ROBO1: variants seen among roughly 807,000 people sequenced by gnomAD.
The protein encoded by ROBO1 is roundabout homolog 1.
Under a neutral mutation model 195.9 loss-of-function variants are expected in ROBO1, and 149 were observed. The observed-to-expected ratio is 0.76, with a 90% CI of 0.67 to 0.87. The LOEUF (loss-of-function observed/expected upper bound fraction) is 0.87, where lower values mean the gene tolerates loss of function less well. ROBO1 is among the 40% of genes least tolerant of loss of function. The pLI is 0.00. For synonymous variants in ROBO1, 816 were observed against 733.2 expected (o/e 1.11, Z -1.82); for missense variants, 1,933 against 2,068.3 (o/e 0.93, Z 1.27).
At chr3:78,756,974 C>A (rs1166201485) in intron 4 of ROBO1, among the ~76,000 whole-genome samples, 2 of 152,144 alleles carry the variant, frequency 1.3e-5, no homozygotes, top group South Asian at 4.1e-4. Flanking sequence ...TCACTGCAAC[C>A]TCCGCCTTCT....
At chr3:78,913,569 C>T (rs1377430186) in intron 4 of ROBO1, among the ~76,000 whole-genome samples, 1 of 152,062 alleles carries the variant, frequency 6.6e-6, no homozygotes, top group Non-Finnish European at 1.5e-5. Flanking sequence ...AATATAATCT[C>T]TCCTTTGTAA....
intron 16 of ROBO1, 108 bp from the exon 17 acceptor site, chr3:78,659,915 A>G: frequency 1.6e-6 from 1 of 615,858 alleles, no homozygotes; most frequent in Non-Finnish European, 2.3e-6. Context: ...ATATCAATAT[A>G]TGCTTTTTTT....
At chr3:79,638,662 T>C (rs978662621) in intron 1 of ROBO1, among the ~76,000 whole-genome samples, 17 of 152,076 alleles carry the variant, frequency 1.1e-4, no homozygotes, top group Admixed American at 1.0e-3. Flanking sequence ...CAAGGAAGAG[T>C]AAAAGAAGAG....
At chr3:79,547,727 C>T (rs1416442770) in intron 2 of ROBO1, among the ~76,000 whole-genome samples, 1 of 152,102 alleles carries the variant, frequency 6.6e-6, no homozygotes, top group Non-Finnish European at 1.5e-5. Context: ...ACCTTATAAA[C>T]ATTAACATTT....
chr3:79,458,714 A>T (rs958243487), intron 2 of ROBO1, among the ~76,000 whole-genome samples: 1 of 152,172 alleles, frequency 6.6e-6, no homozygotes, highest in Non-Finnish European at 1.5e-5. Flanking sequence ...ATAGGAAAAA[A>T]AAAACTGGTG....
intron 1 of ROBO1, among the ~76,000 whole-genome samples, chr3:79,679,540 A>C (rs1353720168): frequency 1.3e-5 from 2 of 152,010 alleles, no homozygotes; most frequent in East Asian, 1.9e-4. Flanking sequence ...ATAAAAACTA[A>C]ATTTTTTAAA....
intron 4 of ROBO1, among the ~76,000 whole-genome samples, chr3:78,877,723 G>C (rs1032976491): frequency 6.6e-6 from 1 of 152,108 alleles, no homozygotes; most frequent in Admixed American, 6.6e-5. Context: ...TACAAGGTAA[G>C]CCTTCCTGCT....
intron 4 of ROBO1, among the ~76,000 whole-genome samples, chr3:78,854,144 A>T (rs975437403): frequency 4.0e-5 from 6 of 151,836 alleles, no homozygotes; most frequent in Non-Finnish European, 5.9e-5. Context: ...CTCTTCCCTG[A>T]GTCCTTAATC....
intron 4 of ROBO1, among the ~76,000 whole-genome samples, chr3:78,805,385 G>A (rs965243103): frequency 2.6e-5 from 4 of 151,808 alleles, no homozygotes; most frequent in Non-Finnish European, 5.9e-5. Flanking sequence ...AAAAAATGTA[G>A]AATTATAAAT....
chr3:79,210,754 A>G (rs1489432449), intron 2 of ROBO1, among the ~76,000 whole-genome samples: 2 of 152,154 alleles, frequency 1.3e-5, no homozygotes, highest in South Asian at 2.1e-4. Context: ...ACTGTTATCA[A>G]TGTCTTATTA....
chr3:79,694,354 T>C (rs1947381153), intron 1 of ROBO1, among the ~76,000 whole-genome samples: 1 of 151,862 alleles, frequency 6.6e-6, no homozygotes, highest in Non-Finnish European at 1.5e-5. Flanking sequence ...TGTTTTATAA[T>C]GTCTTGAGAA....
intron 4 of ROBO1, among the ~76,000 whole-genome samples, chr3:78,848,886 T>C (rs1576284758): frequency 6.6e-6 from 1 of 152,100 alleles, no homozygotes; most frequent in Non-Finnish European, 1.5e-5. Flanking sequence ...AGGAGCTAAC[T>C]TAAGTGGTTA....
At chr3:79,378,881 C>T (rs971424264) in intron 2 of ROBO1, among the ~76,000 whole-genome samples, 1 of 152,226 alleles carries the variant, frequency 6.6e-6, no homozygotes, top group Non-Finnish European at 1.5e-5. Flanking sequence ...AGCTCCGCCT[C>T]TTCCTGTGTA....
At chr3:78,718,596 G>A (rs188670546) in intron 5 of ROBO1, among the ~76,000 whole-genome samples, 17 of 151,898 alleles carry the variant, frequency 1.1e-4, no homozygotes, top group African/African-American at 3.9e-4. Flanking sequence ...ATAAGAAGTC[G>A]ACTGAAACTA....
At chr3:79,186,252 T>C (rs1362808219) in intron 2 of ROBO1, among the ~76,000 whole-genome samples, 1 of 151,214 alleles carries the variant, frequency 6.6e-6, no homozygotes, top group Non-Finnish European at 1.5e-5. Flanking sequence ...TGTTCAACTG[T>C]CCTTCTTTAA....
At chr3:79,621,912 G>A (rs889415729) in intron 1 of ROBO1, among the ~76,000 whole-genome samples, 1 of 152,120 alleles carries the variant, frequency 6.6e-6, no homozygotes, top group Non-Finnish European at 1.5e-5. Flanking sequence ...TGGGGAGCGG[G>A]CCAAGATGGC....
At chr3:78,675,608 C>G (rs1243060861) in intron 10 of ROBO1, among the ~76,000 whole-genome samples, 1 of 152,146 alleles carries the variant, frequency 6.6e-6, no homozygotes, top group Non-Finnish European at 1.5e-5. Context: ...GGCAGCGAGG[C>G]TGGGGGAGGG....
chr3:79,360,917 G>A (rs1487952448), intron 2 of ROBO1, among the ~76,000 whole-genome samples: 1 of 152,018 alleles, frequency 6.6e-6, no homozygotes, highest in Non-Finnish European at 1.5e-5. Context: ...AACACTGCAG[G>A]TGGCCATGCT....
At chr3:78,757,022 G>T (rs1290613433) in intron 4 of ROBO1, among the ~76,000 whole-genome samples, 1 of 152,084 alleles carries the variant, frequency 6.6e-6, no homozygotes, top group Non-Finnish European at 1.5e-5. Context: ...CTCCCAAGTA[G>T]CTGGGATTAC....
Sources: allele counts gnomAD v4.1 joint callset (sites outside exome capture counted in the v4.1 genomes callset), GRCh38; gene constraint gnomAD v4.1.1; transcripts MANE v1.5; gene names NCBI Gene and HGNC (gene_info 2026-07-23, HGNC 2026-07-21).